The following CDK15 variants were observed in gnomAD, a reference collection of about 807,000 sequenced individuals.
CDK15 encodes cyclin-dependent kinase 15.
In CDK15, 62 loss-of-function variants were observed where a neutral mutation model predicts 60.3. The observed-to-expected ratio is 1.03, with a 90% CI of 0.84 to 1.27. CDK15 has a LOEUF of 1.27. Ranked by LOEUF, CDK15 falls within the 50% of genes most tolerant of loss-of-function variation. The pLI, the probability that CDK15 is intolerant of heterozygous loss-of-function variation, is 0.00. For synonymous variants in CDK15, 194 were observed against 195.7 expected, an observed-to-expected ratio of 0.99 and a Z score of 0.07; for missense variants, 541 against 527.8, an observed-to-expected ratio of 1.03 and a Z score of -0.25.
At chr2:201,807,828 C>G in intron 2 of CDK15, 30 bp from the exon 3 acceptor site, 1 of 1,587,974 alleles carries the variant, frequency 6.3e-7, no homozygotes, top group Non-Finnish European at 8.5e-7. Flanking sequence ...TCCCTTTCAC[C>G]CGCTCCTTTT....
chr2:201,830,157 T>A (rs1483109817), intron 6 of CDK15, among the ~76,000 whole-genome samples: 2 of 152,074 alleles, frequency 1.3e-5, no homozygotes, highest in Non-Finnish European at 2.9e-5. Flanking sequence ...CCCAGGCTGG[T>A]CTCGAACTCC....
At chr2:201,891,033 C>T (rs1699624612) in intron 13 of CDK15, 106 bp downstream of exon 13, 1 of 601,042 alleles carries the variant, frequency 1.7e-6, no homozygotes, top group Non-Finnish European at 2.9e-6. Context: ...TGTGCTGTTT[C>T]TAGTTCTTCT....
intron 10 of CDK15, among the ~76,000 whole-genome samples, chr2:201,855,777 C>T (rs570719652): frequency 2.0e-5 from 3 of 151,372 alleles, no homozygotes; most frequent in Non-Finnish European, 4.4e-5. Context: ...TATGGTCTTA[C>T]ATTGTTCCAT....
Position 201,880,056 on chromosome 2 carries a change from C to T in CDK15, c.1087C>T (p.Leu363=). 1.2e-5 allele frequency: 19 copies of T among 1,614,100 alleles called. No individual in the cohort carries two copies. The highest frequency in any genetic ancestry group is 2.2e-5 in the South Asian group (2 of 91,086). ...GGGCAGGGTTCCTGAAGCTGAAGAC[C>T]TGGCCTCCCAGATGCTAAAAGGCTT... ...RLGRVPEAED[L]ASQMLKGFPR... Residue 363 remains leucine (L), a synonymous_variant, in exon 12 of 14, where the codon CTG becomes TTG. Coordinates refer to ENST00000652192, the MANE Select transcript of CDK15 (RefSeq NM_001366386.2).
chr2:201,872,759 C>A (rs576836708), intron 11 of CDK15, among the ~76,000 whole-genome samples: 4 of 152,252 alleles, frequency 2.6e-5, no homozygotes, highest in Admixed American at 2.0e-4. Flanking sequence ...TTATTACCAG[C>A]TTTCAACAAA....
intron 12 of CDK15, among the ~76,000 whole-genome samples, chr2:201,887,198 A>G (rs1317356862): frequency 1.3e-5 from 2 of 152,362 alleles, no homozygotes; most frequent in South Asian, 4.1e-4. Context: ...ATGATCATTA[A>G]TAGAATTGTG....
chr2:201,821,192 G>T (rs1399331085), intron 4 of CDK15, among the ~76,000 whole-genome samples: 2 of 152,016 alleles, frequency 1.3e-5, no homozygotes, highest in Non-Finnish European at 2.9e-5. Context: ...TTTTCTAATG[G>T]CACCAGCAAA....
chr2:201,829,588 G>A (rs1210310259), intron 6 of CDK15, among the ~76,000 whole-genome samples: 3 of 152,090 alleles, frequency 2.0e-5, no homozygotes, highest in Non-Finnish European at 1.5e-5. Context: ...GTACAGGCGA[G>A]CTCCAGACTG....
intron 10 of CDK15, among the ~76,000 whole-genome samples, chr2:201,869,160 A>G (rs1436486149): frequency 6.6e-6 from 1 of 152,232 alleles, no homozygotes; most frequent in Non-Finnish European, 1.5e-5. Context: ...CTGGATTAAG[A>G]AAATGTGGTA....
At chr2:201,856,803 C>T (rs553966602) in intron 10 of CDK15, among the ~76,000 whole-genome samples, 1 of 152,120 alleles carries the variant, frequency 6.6e-6, no homozygotes, top group African/African-American at 2.4e-5. Context: ...CCCCAAACTT[C>T]AGACATTTGG....
chr2:201,862,654 T>A (rs1698446430), intron 10 of CDK15, among the ~76,000 whole-genome samples: 1 of 152,208 alleles, frequency 6.6e-6, no homozygotes, highest in Non-Finnish European at 1.5e-5. Flanking sequence ...GAGACAATGT[T>A]GTAAACCCTA....
At chr2:201,861,638 G>T (rs750246119) in intron 10 of CDK15, 39 of 591,962 alleles carry the variant, frequency 6.6e-5, no homozygotes, top group Non-Finnish European at 7.3e-5. Flanking sequence ...TCGGCTCACC[G>T]CAGCCTCCGC....
chr2:201,881,316 G>A (rs1189544642), intron 12 of CDK15, among the ~76,000 whole-genome samples: 2 of 152,124 alleles, frequency 1.3e-5, no homozygotes, highest in African/African-American at 2.4e-5. Context: ...CATACAACTG[G>A]GGTTAATGTC....
At chr2:201,831,648 A>C (rs1383200568) in intron 6 of CDK15, among the ~76,000 whole-genome samples, 1 of 152,158 alleles carries the variant, frequency 6.6e-6, no homozygotes, top group East Asian at 1.9e-4. Flanking sequence ...TATCTGGCAG[A>C]GAGGAAAGGG....
chr2:201,837,456 AAGG>A (rs1697170379), intron 8 of CDK15, among the ~76,000 whole-genome samples: 1 of 3,260 alleles, frequency 3.1e-4, no homozygotes, highest in Non-Finnish European at 6.0e-4. Flanking sequence ...GAAAGGAAGG[AAGG>A]AAGGAAGGAA....
At chr2:201,889,573 A>G (rs1574947167) in intron 12 of CDK15, 1 of 280,584 alleles carries the variant, frequency 3.6e-6, no homozygotes, top group South Asian at 1.4e-4. Flanking sequence ...ACTGGCTTGT[A>G]GCTTTAGTGT....
chr2:201,814,381 T>C (rs1363616445), intron 4 of CDK15, among the ~76,000 whole-genome samples: 3 of 152,236 alleles, frequency 2.0e-5, no homozygotes, highest in Non-Finnish European at 4.4e-5. Flanking sequence ...CGTGTAATAT[T>C]AAAAACCACA....
At chr2:201,847,088 A>G (rs975854061) in intron 8 of CDK15, among the ~76,000 whole-genome samples, 2 of 152,204 alleles carry the variant, frequency 1.3e-5, no homozygotes, top group African/African-American at 2.4e-5. Flanking sequence ...TTGGGGATAC[A>G]GTACTTTCCC....
intron 10 of CDK15, among the ~76,000 whole-genome samples, chr2:201,856,476 A>G (rs1188216326): frequency 6.6e-6 from 1 of 152,214 alleles, no homozygotes; most frequent in African/African-American, 2.4e-5. Context: ...CACGTGAGAA[A>G]AATGCTACTC....
Sources: gnomAD v4.1 joint callset for allele counts (sites outside exome capture counted in the v4.1 genomes callset) on GRCh38, gnomAD v4.1.1 for gene constraint, MANE v1.5 for transcripts, NCBI Gene and HGNC (gene_info 2026-07-23, HGNC 2026-07-21) for gene names.